Variants in GAS2L2 observed in about 807,000 individuals in gnomAD.
GAS2L2 encodes the protein GAS2-like protein 2.
GAS2L2 carries 21 observed loss-of-function variants against 35.2 expected under a neutral mutation model. The observed-to-expected ratio is 0.60, with a 90% confidence interval of 0.42 to 0.86. GAS2L2 has a LOEUF of 0.86. Ranked by LOEUF, GAS2L2 falls within the 40% of genes least tolerant of loss-of-function variation. The probability of loss-of-function intolerance (pLI) is 0.00; values close to 1 mark genes in which losing one functional copy is unlikely to be tolerated. For missense variants in GAS2L2, 1,169 were observed against 1,144.4 expected (o/e 1.02, Z -0.31); for synonymous variants, 490 against 473.2 (o/e 1.04, Z -0.46).
At position 35,745,428 on chromosome 17, in the gene GAS2L2, C is replaced by T; in HGVS notation, c.2069G>A (p.Gly690Glu). ...SPKPAVTPGP[G>E]SLKGKLGARQ... is the part of the protein sequence containing the mutation. The stretch of plus-strand genomic sequence containing the variant: ...GGCTCCCAACTTCCCTTTGAGGCTT[C>T]CCGGTCCTGGGGTAACAGCTGGCTT... Residue 690 changes from glycine to glutamate, a missense_variant, in exon 6 of 6, where the codon GGA becomes GAA. Gly to Glu is a moderately conservative substitution (Grantham distance 98). Around this residue, in one of 3 missense-constraint regions of GAS2L2, gnomAD observed 1,035 missense variants for 976.5 expected, o/e 1.06. Transcript: ENST00000604641. 2.5e-6 allele frequency: 4 copies of T among 1,573,068 alleles called. No individual in the cohort carries two copies. The highest frequency in any genetic ancestry group is 3.5e-6 in the Non-Finnish European group (4 of 1,158,646).
In GAS2L2 at chr17:35,747,284, C is replaced by G; in HGVS notation, c.833-16G>C. 1 of 1,595,990 alleles carries G rather than the reference C, an allele frequency of 6.3e-7. No homozygotes were observed. The highest frequency in any genetic ancestry group is 1.7e-5 in the Admixed American group (1 of 58,634). ...GGCTTGTGTGCTACCAACAGTCCCC[C>G]GGAGAAAGGAGAGGAGAGAAGGGTT... On this transcript the variant is annotated splice_polypyrimidine_tract_variant and intron_variant, in intron 4 of 5. Coordinates refer to ENST00000604641, the MANE Select transcript of GAS2L2 (RefSeq NM_139285.4).
At chr17:35,752,295 G>A (rs2085708454) in intron 1 of GAS2L2, among the ~76,000 whole-genome samples, 171 bp downstream of exon 1, 1 of 152,176 alleles carries the variant, frequency 6.6e-6, no homozygotes, top group African/African-American at 2.4e-5. Context: ...TATTTATTGA[G>A]GATTTACTAT....
intron 1 of GAS2L2, 36 bp from the exon 2 acceptor site, chr17:35,750,354 CGT>C: frequency 6.2e-7 from 1 of 1,613,282 alleles, no homozygotes; most frequent in Non-Finnish European, 8.5e-7. Context: ...GCAGAGGCAG[CGT>C]GAGCCCCCAG....
Position 35,746,308 on chromosome 17 carries a change from A to G in GAS2L2, c.1189T>C (p.Cys397Arg). The change falls in exon 6 of 6, where the codon TGT becomes CGT. Residue 397 changes from cysteine to arginine, a missense_variant. Around this residue, in one of 3 missense-constraint regions of GAS2L2, gnomAD observed 1,035 missense variants for 976.5 expected, o/e 1.06. Transcript: ENST00000604641. ...SSTQKGRDPQ[C>R]TSSGKREERY... is the part of the protein sequence containing the mutation. ...TCCTCCCTCTTTCCTGACGAGGTAC[A>G]CTGTGGGTCTCGGCCTTTTTGGGTA... is the stretch of plus-strand genomic sequence containing the variant. The G allele has an allele frequency of 7.1e-7, 1 of 1,408,784 alleles. No homozygotes were observed. The allele number at this position is 1,408,784 out of a possible 1,614,324, so 87.3% of individuals were successfully genotyped here. A position where few individuals can be genotyped will look rare whatever the true frequency, so the allele number is the denominator to read the frequency against.
In GAS2L2 at chr17:35,753,130, C is replaced by A. The variant is rs1030694438; in HGVS notation, c.-280G>T. Among the ~76,000 whole-genome samples, 3 of 152,190 alleles carry A rather than the reference C, an allele frequency of 2.0e-5. No homozygotes were observed. The highest frequency in any genetic ancestry group is 4.4e-5 in the Non-Finnish European group (3 of 68,032). On this transcript the variant is annotated 5_prime_UTR_variant, in exon 1 of 6. Coordinates refer to ENST00000604641, the MANE Select transcript of GAS2L2 (RefSeq NM_139285.4). ...GGCTGCCCAGTCCACTTGGAGTTCA[C>A]CCCTCTGAGGCCAGATGGAAGTGAG...
Position 35,752,446 on chromosome 17 carries a change from C to T in GAS2L2, c.385+20G>A, listed in dbSNP as rs782263324. 12 of 1,552,958 alleles carry T rather than the reference C, an allele frequency of 7.7e-6. No individual in the cohort carries two copies. The highest frequency in any genetic ancestry group is 6.8e-5 in the African/African-American group (5 of 73,826). On this transcript the variant is annotated intron_variant, in intron 1 of 5. Coordinates refer to ENST00000604641, the MANE Select transcript of GAS2L2 (RefSeq NM_139285.4). ...CCAAGATAAGCATCTGGAATGGGGA[C>T]GAGGGTGCAGCGTGGTTACCTTGGA... is the stretch of plus-strand genomic sequence containing the variant.
In GAS2L2 at chr17:35,752,603, G is replaced by A; in HGVS notation, c.248C>T (p.Ala83Val). 1 of 1,613,752 alleles carries A rather than the reference G, an allele frequency of 6.2e-7. No individual in the cohort carries two copies. Among genetic ancestry groups the A allele is most frequent in the African/African-American group, 1.3e-5 (1 of 75,078 alleles). ...TDAALAFLAE[A>V]PAQAQKIPMP... is the part of the protein sequence containing the mutation. ...GGGAATCTTCTGGGCTTGGGCAGGT[G>A]CCTCAGCCAGGAAGGCCAGGGCAGC... The change falls in exon 1 of 6, where the codon GCA becomes GTA. Residue 83 changes from alanine (A) to valine (V), a missense_variant. By Grantham distance (64) the Ala-to-Val change is moderately conservative. Transcript: ENST00000604641.
chr17:35,747,361 G>C, intron 4 of GAS2L2, 93 bp from the exon 5 acceptor site: 2 of 1,385,802 alleles, frequency 1.4e-6, no homozygotes, highest in South Asian at 2.9e-5. Flanking sequence ...CCCATGCCCC[G>C]CATCCCACAT....
At chr17:35,748,068 G>A (rs2085681143) in intron 3 of GAS2L2, 123 bp from the exon 4 acceptor site, 1 of 638,556 alleles carries the variant, frequency 1.6e-6, no homozygotes, top group South Asian at 2.0e-5. Context: ...ACACGTAGAT[G>A]TATGTGTGTG....
Position 35,746,049 on chromosome 17 carries a change from A to T in GAS2L2, c.1448T>A (p.Phe483Tyr). The T allele has an allele frequency of 6.5e-7, 1 of 1,540,148 alleles. No individual in the cohort carries two copies. The highest frequency in any genetic ancestry group is 8.8e-7 in the Non-Finnish European group (1 of 1,142,272). Residue 483 changes from phenylalanine (F) to tyrosine (Y), a missense_variant, in exon 6 of 6, where the codon TTC (phenylalanine) becomes TAC (tyrosine). Physicochemically the swap from Phe to Tyr is conservative, Grantham distance 22. Coordinates refer to ENST00000604641, the MANE Select transcript of GAS2L2 (RefSeq NM_139285.4). ...GACAGACTCTGGCTCCCTGAACTGG[A>T]AGAACGCACCCTTGGCCTCATCCCG... ...PLRDEAKGAF[F>Y]QFREPESVRS...
chr17:35,749,211 T>A lies in GAS2L2; in HGVS notation c.634A>T (p.Ser212Cys), dbSNP rs1568103793. The part of the protein sequence containing the change: ...HFRNLDQMVQ[S>C]LVSHCTCPVQ... ...GGGCACGTGCAGTGGCTCACAAGGCTCTGCACCTGCGGGCGGGTGGTGAAC... is the reference window on the plus strand; with the variant it reads ...GGGCACGTGCAGTGGCTCACAAGGCACTGCACCTGCGGGCGGGTGGTGAAC... Residue 212 changes from serine to cysteine, a missense_variant, in exon 3 of 6, where the codon AGC (serine) becomes TGC (cysteine). Physicochemically the swap from Ser to Cys is moderately radical, Grantham distance 112 (BLOSUM62 -1). This residue lies in a region of GAS2L2 where 1,035 missense variants were observed against 976.5 expected (regional missense o/e 1.06). Transcript: ENST00000604641. 2 of 1,610,688 alleles carry A rather than the reference T, an allele frequency of 1.2e-6. No homozygotes were observed. Among genetic ancestry groups the A allele is most frequent in the Non-Finnish European group, 1.7e-6 (2 of 1,177,544 alleles).
intron 1 of GAS2L2, 48 bp from the exon 2 acceptor site, chr17:35,750,366 G>C: frequency 1.2e-6 from 2 of 1,612,910 alleles, no homozygotes; most frequent in Non-Finnish European, 1.7e-6. Flanking sequence ...TGAGCCCCCA[G>C]AGGACCTGAG....
Position 35,744,887 on chromosome 17 carries a change from A to G in GAS2L2, c.2610T>C (p.Ala870=). The change falls in exon 6 of 6, where the codon GCT becomes GCC. Residue 870 remains alanine, a synonymous_variant. Transcript: ENST00000604641. The part of the protein sequence containing the change: ...EGLQPHWLNQ[A]PLPPEEESWV ...AGGACTCCTCCTCAGGTGGAAGTGG[A>G]GCTTGATTAAGCCAGTGAGGTTGCA... 6.2e-7 allele frequency: 1 copy of G among 1,604,104 alleles called. No individual in the cohort carries two copies. Among genetic ancestry groups the G allele is most frequent in the Non-Finnish European group, 8.5e-7 (1 of 1,175,032 alleles).
chr17:35,745,953 G>C lies in GAS2L2; in HGVS notation c.1544C>G (p.Pro515Arg). 6.2e-7 allele frequency: 1 copy of C among 1,607,198 alleles called. No individual in the cohort carries two copies. Among genetic ancestry groups the C allele is most frequent in the Non-Finnish European group, 8.5e-7 (1 of 1,175,220 alleles). ...TGTAGCACCAGGAAAGCTCCTTCCT[G>C]GTGTTGGGGGGCGAGCAGGGGGCAG... The part of the protein sequence containing the change: ...IRLPPARPPT[P>R]GRSFPGATSG... Residue 515 changes from proline (P) to arginine (R), a missense_variant, in exon 6 of 6, where the codon CCA becomes CGA. Pro to Arg is a moderately radical substitution (Grantham distance 103). Transcript: ENST00000604641.
Position 35,744,859 on chromosome 17 carries a change from C to A in GAS2L2, c.2638G>T (p.Val880Phe), listed in dbSNP as rs368247534. 6.3e-7 allele frequency: 1 copy of A among 1,580,566 alleles called. No individual in the cohort carries two copies. ...ACCCAACACGCTCATGTGCCTCAGACCCAGGACTCCTCCTCAGGTGGAAGT... is the reference window on the plus strand; with the variant it reads ...ACCCAACACGCTCATGTGCCTCAGAACCAGGACTCCTCCTCAGGTGGAAGT... Reference protein sequence around the residue: ...APLPPEEESWV With the variant: ...APLPPEEESWF Residue 880 changes from valine (V) to phenylalanine (F), a missense_variant, in exon 6 of 6, where the codon GTC (valine) becomes TTC (phenylalanine). Around this residue, in one of 3 missense-constraint regions of GAS2L2, gnomAD observed 1,035 missense variants for 976.5 expected, o/e 1.06. Transcript: ENST00000604641.
In GAS2L2 at chr17:35,745,504, G is replaced by A. The variant is rs1344989194; in HGVS notation, c.1993C>T (p.Leu665Phe). Residue 665 changes from leucine (L) to phenylalanine (F), a missense_variant, in exon 6 of 6, where the codon CTC becomes TTC. Physicochemically the swap from Leu to Phe is conservative, Grantham distance 22. This residue lies in a region of GAS2L2 where 1,035 missense variants were observed against 976.5 expected (regional missense o/e 1.06). Coordinates refer to ENST00000604641, the MANE Select transcript of GAS2L2 (RefSeq NM_139285.4). Reference sequence around the variant, plus strand: ...CAGGCTTCCAGGTCCACTTTAAGGAGGGATGGGGACCCCTGAGCCAGTTCT... The same window carrying A: ...CAGGCTTCCAGGTCCACTTTAAGGAAGGATGGGGACCCCTGAGCCAGTTCT... ...IQELAQGSPS[L>F]LKVDLEAWKA... 4 of 1,607,884 alleles carry A rather than the reference G, an allele frequency of 2.5e-6. No homozygotes were observed. In the Admixed American group the frequency reaches 6.7e-5, roughly 27 times the overall value.
Position 35,752,805 on chromosome 17 carries a change from G to A in GAS2L2, c.46C>T (p.Pro16Ser), listed in dbSNP as rs367819705. 1.2e-6 allele frequency: 2 copies of A among 1,610,568 alleles called. No individual in the cohort carries two copies. Among genetic ancestry groups the A allele is most frequent in the African/African-American group, 2.7e-5 (2 of 74,866 alleles). Residue 16 changes from proline to serine, a missense_variant, in exon 1 of 6, where the codon CCG (proline) becomes TCG (serine). Transcript: ENST00000604641. ...AAAGGCCGGATACTGCACACAGGCG[G>A]CCCTAGGGTCCTGGGCTTCCTCCTG... ...GGRRKPRTLG[P>S]PVCSIRPFKS...
Position 35,745,550 on chromosome 17 carries a change from AC to A in GAS2L2, c.1946del (p.Gly649ValfsTer61), listed in dbSNP as rs1568099519. 1 of 1,612,948 alleles carries A rather than the reference AC, an allele frequency of 6.2e-7. No homozygotes were observed. The highest frequency in any genetic ancestry group is 1.7e-5 in the Admixed American group (1 of 59,984). ...RLAGQWPEPGGPYDKAIQELA... is the reference protein window; with the variant it reads ...RLAGQWPEPGXPYDKAIQELA... ...GTTCTTGGATGGCTTTGTCATAAGG[AC>A]CCCCAGGCTCAGGCCACTGCCCAGC... On this transcript the variant is annotated frameshift_variant, in exon 6 of 6. Coordinates refer to ENST00000604641, the MANE Select transcript of GAS2L2 (RefSeq NM_139285.4). LOFTEE classifies it low-confidence loss of function (END_TRUNC).
Position 35,744,818 on chromosome 17 carries a change from T to G in GAS2L2, c.*36A>C, listed in dbSNP as rs1306054930. The G allele has an allele frequency of 4.0e-6, 6 of 1,482,384 alleles. No homozygotes were observed. Among genetic ancestry groups the G allele is most frequent in the Non-Finnish European group, 5.5e-6 (6 of 1,093,050 alleles). The allele number at this position is 1,482,384 out of a possible 1,614,324, so 91.8% of individuals were successfully genotyped here. On this transcript the variant is annotated 3_prime_UTR_variant, in exon 6 of 6. Transcript: ENST00000604641. ...GAATCCAGTGTATACATGGCCATCC[T>G]TTTTGCTTCCCTCCTACCCAACACG...
Sources: gnomAD v4.1 joint callset for allele counts (sites outside exome capture counted in the v4.1 genomes callset) on GRCh38, gnomAD v4.1.1 for gene constraint, gnomAD v4.1.1 regional missense constraint, MANE v1.5 for transcripts, NCBI Gene and HGNC (gene_info 2026-07-23, HGNC 2026-07-21) for gene names.